The following STX7 variants were observed in gnomAD, a reference collection of about 807,000 sequenced individuals.
STX7 encodes syntaxin 7.
Under a neutral mutation model 39.6 loss-of-function variants are expected in STX7, and 34 were observed. That is an observed-to-expected ratio of 0.86 (90% confidence interval 0.65 to 1.14). The LOEUF is 1.14. Ranked by LOEUF, STX7 falls within the 50% of genes most tolerant of loss-of-function variation. The pLI, the probability that STX7 is intolerant of heterozygous loss-of-function variation, is 0.00. For missense variants in STX7, 284 were observed against 310.4 expected (o/e 0.92, Z 0.64); for synonymous variants, 119 against 99.1 (o/e 1.20, Z -1.19).
At chr6:132,471,335 T>C in intron 5 of STX7, 128 bp downstream of exon 5, 2 of 1,078,930 alleles carry the variant, frequency 1.9e-6, no homozygotes, top group Non-Finnish European at 2.6e-6. Flanking sequence ...TAAAAATAAA[T>C]ATTCAAGAGC....
intron 2 of STX7, among the ~76,000 whole-genome samples, chr6:132,491,106 A>AT (rs974599637): frequency 1.8e-4 from 27 of 147,070 alleles, no homozygotes; most frequent in African/African-American, 6.8e-4. Flanking sequence ...AATCAAACTC[A>AT]TTCCATTGAA....
chr6:132,512,285 A>T (rs1433043687), intron 1 of STX7, among the ~76,000 whole-genome samples: 1 of 151,372 alleles, frequency 6.6e-6, no homozygotes, highest in Non-Finnish European at 1.5e-5. Flanking sequence ...AAACAAATGT[A>T]AGAAATTTGT....
chr6:132,469,645 C>G (rs1246602829), intron 7 of STX7, among the ~76,000 whole-genome samples: 1 of 152,104 alleles, frequency 6.6e-6, no homozygotes, highest in Non-Finnish European at 1.5e-5. Flanking sequence ...TGAGAACAGC[C>G]TGGCCAACAT....
chr6:132,498,822 T>C (rs2114462050), intron 2 of STX7, among the ~76,000 whole-genome samples: 1 of 152,348 alleles, frequency 6.6e-6, no homozygotes, highest in Non-Finnish European at 1.5e-5. Context: ...AGTAGTTAGA[T>C]TTTTAACAAT....
intron 2 of STX7, among the ~76,000 whole-genome samples, chr6:132,498,367 G>T (rs1396691673): frequency 6.6e-6 from 1 of 151,888 alleles, no homozygotes; most frequent in Non-Finnish European, 1.5e-5. Context: ...GACTGCAGAT[G>T]GTCTTAAACC....
At position 132,452,959 on chromosome 6, in the gene STX7, T is replaced by C. The variant is rs1774164252; in HGVS notation, c.*7799A>G. On this transcript the variant is annotated 3_prime_UTR_variant, in exon 10 of 10. Transcript: ENST00000367941. ...AAAGAAAGTGGAATAAACCAGCCTATTTGATTTCAAGACTTACTACAGTAA... is the reference window on the plus strand; with the variant it reads ...AAAGAAAGTGGAATAAACCAGCCTACTTGATTTCAAGACTTACTACAGTAA... 6.6e-6 allele frequency: 1 copy of C among 152,158 alleles called. No homozygotes were observed. Among genetic ancestry groups the C allele is most frequent in the Admixed American group, 6.5e-5 (1 of 15,270 alleles). 9.4% of individuals were successfully genotyped at this position (152,158 alleles called of 1,614,324 possible). A position where few individuals can be genotyped will look rare whatever the true frequency, so the allele number is the denominator to read the frequency against.
In STX7 at chr6:132,450,259, T is replaced by A. The variant is rs1473128537; in HGVS notation, c.*10499A>T. 1 of 152,208 alleles carries A rather than the reference T, an allele frequency of 6.6e-6. No homozygotes were observed. Among genetic ancestry groups the A allele is most frequent in the Non-Finnish European group, 1.5e-5 (1 of 68,026 alleles). 9.4% of individuals were successfully genotyped at this position (152,208 alleles called of 1,614,324 possible). A position where few individuals can be genotyped will look rare whatever the true frequency, so the allele number is the denominator to read the frequency against. On this transcript the variant is annotated 3_prime_UTR_variant, in exon 10 of 10. Coordinates refer to ENST00000367941, the MANE Select transcript of STX7 (RefSeq NM_003569.3). ...CCTTGAGTATACCTAGTCAACCATATGGCAGGAAGCAGAAATCATCTACTT... is the reference window on the plus strand; with the variant it reads ...CCTTGAGTATACCTAGTCAACCATAAGGCAGGAAGCAGAAATCATCTACTT...
rs1250671018 is a variant in STX7 at position 132,455,649 on chromosome 6, C to A, written c.*5109G>T. On this transcript the variant is annotated 3_prime_UTR_variant, in exon 10 of 10. Coordinates refer to ENST00000367941, the MANE Select transcript of STX7 (RefSeq NM_003569.3). ...CTCTAAGCAATTAAGTGACCAACCT[C>A]TTAAAAACTTGCCAGAAGCTACAGT... 2 of 152,156 alleles carry A rather than the reference C, an allele frequency of 1.3e-5. No individual in the cohort carries two copies. The highest frequency in any genetic ancestry group is 4.8e-5 in the African/African-American group (2 of 41,428). The allele number at this position is 152,156 out of a possible 1,614,324, so 9.4% of individuals were successfully genotyped here.
chr6:132,466,145 T>C (rs1419536619), intron 8 of STX7, among the ~76,000 whole-genome samples: 1 of 152,182 alleles, frequency 6.6e-6, no homozygotes, highest in Non-Finnish European at 1.5e-5. Context: ...CCTACACTAT[T>C]TCACCAACAC....
At chr6:132,467,168 AC>A (rs1188540363) in intron 8 of STX7, among the ~76,000 whole-genome samples, 1 of 152,118 alleles carries the variant, frequency 6.6e-6, no homozygotes, top group Non-Finnish European at 1.5e-5. Flanking sequence ...GTTTGTAAAA[AC>A]TGAAATCTTC....
Position 132,503,516 on chromosome 6 carries a change from T to C in STX7, c.15A>G (p.Pro5=). The C allele has an allele frequency of 6.2e-7, 1 of 1,614,032 alleles. No individual in the cohort carries two copies. Among genetic ancestry groups the C allele is most frequent in the Non-Finnish European group, 8.5e-7 (1 of 1,179,918 alleles). The change falls in exon 2 of 10, where the codon CCA becomes CCG. Residue 5 remains proline, a synonymous_variant. Transcript: ENST00000367941. ...ACTGGGCGGGGTCACCACCAACTCC[T>C]GGAGTGTAAGACATGGTTGATGTTC... MSYT[P]GVGGDPAQLA...
chr6:132,485,047 G>C (rs1391566074), intron 2 of STX7, among the ~76,000 whole-genome samples: 1 of 152,144 alleles, frequency 6.6e-6, no homozygotes, highest in Non-Finnish European at 1.5e-5. Context: ...AACTGACAAA[G>C]CGCATAAACT....
At chr6:132,488,818 A>G (rs1458790949) in intron 2 of STX7, among the ~76,000 whole-genome samples, 1 of 152,132 alleles carries the variant, frequency 6.6e-6, no homozygotes, top group East Asian at 1.9e-4. Flanking sequence ...AAATCTAAAT[A>G]TTGAAAGAAA....
chr6:132,471,311 G>A, intron 5 of STX7, 152 bp downstream of exon 5: 3 of 861,222 alleles, frequency 3.5e-6, no homozygotes, highest in Non-Finnish European at 5.0e-6. Flanking sequence ...TTCTAAAAAT[G>A]GAGCAGGAAA....
chr6:132,455,034 TAAG>T lies in STX7; in HGVS notation c.*5721_*5723del, dbSNP rs1774215184. On this transcript the variant is annotated 3_prime_UTR_variant, in exon 10 of 10. Coordinates refer to ENST00000367941, the MANE Select transcript of STX7 (RefSeq NM_003569.3). ...ACGACCACAGTACCTAGGTTTGAGA[TAAG>T]AATGAAATAAAATATATTCCCCATT... The T allele has an allele frequency of 6.6e-6, 1 of 152,144 alleles. No homozygotes were observed. Among genetic ancestry groups the T allele is most frequent in the Non-Finnish European group, 1.5e-5 (1 of 68,010 alleles). 9.4% of individuals were successfully genotyped at this position (152,144 alleles called of 1,614,324 possible). A position where few individuals can be genotyped will look rare whatever the true frequency, so the allele number is the denominator to read the frequency against.
intron 2 of STX7, among the ~76,000 whole-genome samples, chr6:132,494,700 G>A (rs555483329): frequency 4.6e-5 from 7 of 152,330 alleles, no homozygotes; most frequent in Admixed American, 6.5e-5. Context: ...GAGAGTGGTA[G>A]TTGACAAGTG....
intron 1 of STX7, among the ~76,000 whole-genome samples, chr6:132,505,739 TAAAAAAAA>T (rs368964430): frequency 8.3e-5 from 5 of 60,416 alleles, no homozygotes; most frequent in African/African-American, 1.3e-4. Context: ...CCAAGTCACT[TAAAAAAAA>T]AAAAAAAAAA....
chr6:132,454,641 A>G lies in STX7; in HGVS notation c.*6117T>C, dbSNP rs1774208059. On this transcript the variant is annotated 3_prime_UTR_variant, in exon 10 of 10. Transcript: ENST00000367941. ...GTCACATACTCCATTCTAGATTTAA[A>G]GAAAATTTAAAACAACATAGAAAAT... 1 of 152,250 alleles carries G rather than the reference A, an allele frequency of 6.6e-6. No homozygotes were observed. The highest frequency in any genetic ancestry group is 1.5e-5 in the Non-Finnish European group (1 of 68,034). The allele number at this position is 152,250 out of a possible 1,614,324, so 9.4% of individuals were successfully genotyped here.
chr6:132,446,590 T>C lies in STX7; in HGVS notation c.*14168A>G, dbSNP rs996154244. 3 of 152,210 alleles carry C rather than the reference T, an allele frequency of 2.0e-5. No homozygotes were observed. Among genetic ancestry groups the C allele is most frequent in the African/African-American group, 7.2e-5 (3 of 41,466 alleles). The allele number at this position is 152,210 out of a possible 1,614,324, so 9.4% of individuals were successfully genotyped here. A position where few individuals can be genotyped will look rare whatever the true frequency, so the allele number is the denominator to read the frequency against. Reference sequence around the variant, plus strand: ...CTTTTTCTCAGGGCCCAGCATTTATTAAGCACTCAGCAAATGCTTACTAAA... The same window carrying C: ...CTTTTTCTCAGGGCCCAGCATTTATCAAGCACTCAGCAAATGCTTACTAAA... On this transcript the variant is annotated 3_prime_UTR_variant, in exon 10 of 10. Coordinates refer to ENST00000367941, the MANE Select transcript of STX7 (RefSeq NM_003569.3).
Sources: gnomAD v4.1 joint callset for allele counts (sites outside exome capture counted in the v4.1 genomes callset) on GRCh38, gnomAD v4.1.1 for gene constraint, MANE v1.5 for transcripts, NCBI Gene and HGNC (gene_info 2026-07-23, HGNC 2026-07-21) for gene names.